The following KSR2 variants were observed in gnomAD, a reference collection of about 807,000 sequenced individuals.
KSR2 encodes the protein kinase suppressor of ras 2.
Under a neutral mutation model 107.8 loss-of-function variants are expected in KSR2, and 25 were observed. The ratio of observed to expected loss-of-function variants is 0.23; its 90% confidence interval spans 0.17 to 0.32. The LOEUF is 0.32. KSR2 is among the 10% of genes least tolerant of loss of function. KSR2 has a pLI of 1.00. For synonymous variants in KSR2, 480 were observed against 507.0 expected, an observed-to-expected ratio of 0.95 and a Z score of 0.71; for missense variants, 887 against 1,268.9, an observed-to-expected ratio of 0.70 and a Z score of 4.57.
intron 1 of KSR2, among the ~76,000 whole-genome samples, chr12:117,928,307 C>T (rs1188027931): frequency 1.3e-5 from 2 of 152,024 alleles, no homozygotes; most frequent in Non-Finnish European, 2.9e-5. Context: ...CTCAGCCTCC[C>T]GAGTAGCTGG....
At chr12:117,727,010 G>A (rs1442118558) in intron 4 of KSR2, among the ~76,000 whole-genome samples, 1 of 152,022 alleles carries the variant, frequency 6.6e-6, no homozygotes, top group Admixed American at 6.6e-5. Flanking sequence ...TGGAAGTAGG[G>A]GTTTTGCAGA....
At position 117,453,357 on chromosome 12, in the gene KSR2, CAG is replaced by C. The variant is rs1041411495; in HGVS notation, c.*13840_*13841del. 1 of 152,418 alleles carries C rather than the reference CAG, an allele frequency of 6.6e-6. No homozygotes were observed. The highest frequency in any genetic ancestry group is 2.4e-5 in the African/African-American group (1 of 41,348). The allele number at this position is 152,418 out of a possible 1,614,324, so 9.4% of individuals were successfully genotyped here. On this transcript the variant is annotated 3_prime_UTR_variant, in exon 20 of 20. Coordinates refer to ENST00000339824, the MANE Select transcript of KSR2 (RefSeq NM_173598.6). The stretch of plus-strand genomic sequence containing the variant: ...AGAGAGAGACAGAGACGGAGACAGA[CAG>C]AGATAGAAACGGAAAGGAAAAGAAA...
intron 1 of KSR2, among the ~76,000 whole-genome samples, chr12:117,878,567 G>C (rs991827924): frequency 3.3e-5 from 5 of 152,190 alleles, no homozygotes; most frequent in African/African-American, 1.2e-4. Context: ...TTCCACGCCT[G>C]TGGCCCCTGC....
At chr12:117,722,909 C>T (rs1243829190) in intron 4 of KSR2, among the ~76,000 whole-genome samples, 2 of 152,298 alleles carry the variant, frequency 1.3e-5, no homozygotes. Context: ...CACTCCATCC[C>T]AGATCTCTCC....
chr12:117,467,268 T>C (rs1871195877), intron 19 of KSR2, 63 bp from the exon 20 acceptor site: 4 of 664,562 alleles, frequency 6.0e-6, no homozygotes, highest in Non-Finnish European at 1.1e-5. Flanking sequence ...ATGTCATCCG[T>C]TGTGAATGAC....
chr12:117,796,285 G>T (rs1890626327), intron 3 of KSR2, among the ~76,000 whole-genome samples: 1 of 152,180 alleles, frequency 6.6e-6, no homozygotes, highest in Non-Finnish European at 1.5e-5. Flanking sequence ...CTGTGAGCAA[G>T]TGCATGTGTG....
Position 117,549,780 on chromosome 12 carries a change from T to TATGA in KSR2, c.1518+5385_1518+5388dup, listed in dbSNP as rs1592982191. Reference sequence around the variant, plus strand: ...CATAGGAGGTAACTAATCAATGTTATATGAATGAATGAATGAACTAAGCAA... The same window carrying TATGA: ...CATAGGAGGTAACTAATCAATGTTATATGAATGAATGAATGAATGAACTAAGCAA... On this transcript the variant is annotated intron_variant, in intron 9 of 19. Transcript: ENST00000339824. 2.0e-5 allele frequency among the ~76,000 whole-genome samples: 3 copies of TATGA among 152,274 alleles called. No homozygotes were observed. In the South Asian group the frequency reaches 6.2e-4, roughly 32 times the overall value.
intron 4 of KSR2, among the ~76,000 whole-genome samples, chr12:117,731,149 G>T (rs1442181187): frequency 6.7e-6 from 1 of 148,280 alleles, no homozygotes; most frequent in Non-Finnish European, 1.5e-5. Flanking sequence ...GAGCGTCTCT[G>T]CCCGGCCACG....
At chr12:117,806,512 G>C (rs1838824) in intron 3 of KSR2, among the ~76,000 whole-genome samples, 50,528 of 152,032 alleles carry the variant, frequency 0.33, 9,160 homozygotes, top group Admixed American at 0.49. Context: ...ATTATCTTAA[G>C]GAAATTTACA....
intron 3 of KSR2, among the ~76,000 whole-genome samples, chr12:117,810,342 G>A (rs998141336): frequency 6.6e-6 from 1 of 152,054 alleles, no homozygotes; most frequent in African/African-American, 2.4e-5. Flanking sequence ...ACAGGGTGTC[G>A]CTCTGTCACC....
At chr12:117,530,336 A>T (rs1875524629) in intron 12 of KSR2, among the ~76,000 whole-genome samples, 1 of 152,180 alleles carries the variant, frequency 6.6e-6, no homozygotes, top group Admixed American at 6.5e-5. Context: ...CATAGAGTAA[A>T]TATTTTTGGC....
intron 7 of KSR2, among the ~76,000 whole-genome samples, chr12:117,569,308 C>T (rs1383605869): frequency 6.6e-6 from 1 of 152,086 alleles, no homozygotes; most frequent in Non-Finnish European, 1.5e-5. Context: ...GTGAAAAGAT[C>T]CACTAACACG....
chr12:117,843,866 A>G (rs543144866), intron 3 of KSR2, among the ~76,000 whole-genome samples: 49 of 150,158 alleles, frequency 3.3e-4, no homozygotes, highest in African/African-American at 1.2e-3. Context: ...TGTCCCTGAA[A>G]CCGCAGGCTG....
chr12:117,591,163 C>T (rs189863198), intron 5 of KSR2, among the ~76,000 whole-genome samples: 1 of 152,276 alleles, frequency 6.6e-6, no homozygotes, highest in East Asian at 1.9e-4. Flanking sequence ...ACTGTCTCTT[C>T]GTAGAATAGT....
chr12:117,751,233 C>T (rs1250519529), intron 4 of KSR2, among the ~76,000 whole-genome samples: 4 of 152,200 alleles, frequency 2.6e-5, no homozygotes, highest in Admixed American at 1.3e-4. Context: ...GCTTCCCCCT[C>T]TGCCATGATT....
chr12:117,547,206 T>G (rs1018107784), intron 9 of KSR2, among the ~76,000 whole-genome samples: 2 of 152,184 alleles, frequency 1.3e-5, no homozygotes, highest in Non-Finnish European at 2.9e-5. Context: ...GGTAGAAATT[T>G]AAGTTCTCCA....
chr12:117,654,089 G>A (rs1884018786), intron 5 of KSR2, among the ~76,000 whole-genome samples: 1 of 152,190 alleles, frequency 6.6e-6, no homozygotes, highest in South Asian at 2.1e-4. Flanking sequence ...CTCTTGGCCT[G>A]TTACTAAGCT....
At chr12:117,927,649 C>T (rs920465487) in intron 1 of KSR2, among the ~76,000 whole-genome samples, 2 of 147,392 alleles carry the variant, frequency 1.4e-5, no homozygotes, top group Non-Finnish European at 3.0e-5. Flanking sequence ...GCCAAGATCA[C>T]GCTACTGCAC....
rs538127302 is a variant in KSR2 at position 117,580,602 on chromosome 12, G to T, written c.1242-1400C>A. ...CTTCACCAAGGCTGGGGTGAGTCCA[G>T]TTCTCTCTACCTCCTGGCATTAAGC... On this transcript the variant is annotated intron_variant, in intron 6 of 19. Coordinates refer to ENST00000339824, the MANE Select transcript of KSR2 (RefSeq NM_173598.6). 3.9e-5 allele frequency among the ~76,000 whole-genome samples: 6 copies of T among 152,350 alleles called. No homozygotes were observed. The South Asian group carries it at 1.0e-3, about 26-fold the overall frequency.
Sources: allele counts gnomAD v4.1 joint callset (sites outside exome capture counted in the v4.1 genomes callset), GRCh38; gene constraint gnomAD v4.1.1; transcripts MANE v1.5; gene names NCBI Gene and HGNC (gene_info 2026-07-23, HGNC 2026-07-21).